The following CCNY variants were observed in gnomAD, a reference collection of about 807,000 sequenced individuals.
The protein encoded by CCNY is cyclin Y.
In CCNY, 19 loss-of-function variants were observed where a neutral mutation model predicts 42.8. That is an observed-to-expected ratio of 0.44 (90% CI 0.31 to 0.65). The LOEUF is 0.65. CCNY is among the 30% of genes least tolerant of loss of function. The probability of loss-of-function intolerance (pLI) is 0.07; values close to 1 mark genes in which losing one functional copy is unlikely to be tolerated. For missense variants in CCNY, 370 were observed against 437.3 expected, an observed-to-expected ratio of 0.85 and a Z score of 1.37; for synonymous variants, 165 against 162.7, an observed-to-expected ratio of 1.01 and a Z score of -0.11.
chr10:35,341,492 A>G (rs1836181720), intron 1 of CCNY, among the ~76,000 whole-genome samples: 1 of 152,256 alleles, frequency 6.6e-6, no homozygotes, highest in African/African-American at 2.4e-5. Context: ...AGCTACTAGC[A>G]TGTAAGTTCC....
intron 1 of CCNY, among the ~76,000 whole-genome samples, chr10:35,367,598 A>T (rs1042679122): frequency 1.3e-5 from 2 of 152,222 alleles, no homozygotes; most frequent in Non-Finnish European, 2.9e-5. Context: ...TGGAATGCAG[A>T]TCTGAAAGCA....
At chr10:35,324,430 T>C (rs1474678487) in intron 3 of CCNY, among the ~76,000 whole-genome samples, 1 of 152,252 alleles carries the variant, frequency 6.6e-6, no homozygotes, top group Non-Finnish European at 1.5e-5. Flanking sequence ...TATTTGGATT[T>C]GTAATGAAAC....
chr10:35,310,333 A>T (rs562347634), intron 3 of CCNY, among the ~76,000 whole-genome samples: 12 of 152,304 alleles, frequency 7.9e-5, no homozygotes, highest in African/African-American at 2.6e-4. Flanking sequence ...GCTGATAGGC[A>T]CTGGGGTTGA....
At chr10:35,494,601 G>A (rs1185178724) in intron 2 of CCNY, among the ~76,000 whole-genome samples, 1 of 152,142 alleles carries the variant, frequency 6.6e-6, no homozygotes, top group African/African-American at 2.4e-5. Context: ...GAAAACTCAT[G>A]TCCAAATGCA....
At chr10:35,512,304 G>C (rs1840340180) in intron 3 of CCNY, among the ~76,000 whole-genome samples, 1 of 152,178 alleles carries the variant, frequency 6.6e-6, no homozygotes, top group African/African-American at 2.4e-5. Context: ...GTTGGGGCCA[G>C]AAAGGAGAGA....
At chr10:35,417,927 C>G (rs1204308513) in intron 1 of CCNY, among the ~76,000 whole-genome samples, 3 of 152,178 alleles carry the variant, frequency 2.0e-5, no homozygotes, top group East Asian at 3.8e-4. Flanking sequence ...TTTCCAAAAG[C>G]CTTCAGCAAG....
upstream of CCNY, among the ~76,000 whole-genome samples, chr10:35,335,685 T>C (rs947784973): frequency 5.3e-5 from 8 of 152,008 alleles, no homozygotes; most frequent in Non-Finnish European, 1.2e-4. Flanking sequence ...AGATCCCATC[T>C]CTACAAAAAG....
At chr10:35,267,318 A>T (rs1226551571) in intron 3 of CCNY, among the ~76,000 whole-genome samples, 2 of 151,994 alleles carry the variant, frequency 1.3e-5, no homozygotes, top group African/African-American at 4.8e-5. Flanking sequence ...TTAGAAAAAA[A>T]AAAAAAAAGA....
chr10:35,553,485 T>C (rs911303725), intron 8 of CCNY, among the ~76,000 whole-genome samples: 1 of 152,222 alleles, frequency 6.6e-6, no homozygotes, highest in Non-Finnish European at 1.5e-5. Context: ...CCAGCACTGA[T>C]AGCAGCCTGT....
intron 1 of CCNY, among the ~76,000 whole-genome samples, chr10:35,444,041 C>T (rs1838734360): frequency 6.6e-6 from 1 of 152,188 alleles, no homozygotes; most frequent in Non-Finnish European, 1.5e-5. Context: ...GAGTAGCACC[C>T]TTTCTGCAGA....
At chr10:35,310,032 C>T (rs1835664670) in intron 3 of CCNY, among the ~76,000 whole-genome samples, 1 of 151,844 alleles carries the variant, frequency 6.6e-6, no homozygotes, top group African/African-American at 2.4e-5. Flanking sequence ...GATCTCCTGA[C>T]CTTCTGATCC....
Position 35,438,986 on chromosome 10 carries a change from T to C in CCNY, c.155-44418T>C, listed in dbSNP as rs112400171. Among the ~76,000 whole-genome samples, 904 of 152,354 alleles carry C rather than the reference T, an allele frequency of 5.9e-3. 12 individuals carry two copies. Among genetic ancestry groups the C allele is most frequent in the African/African-American group, 0.02 (816 of 41,574 alleles). Reference sequence around the variant, plus strand: ...ATCCCTGGCAAGCATCGTGCCACTTTCTTCTGGCTTTTCCTGTTTTCTGAT... The same window carrying C: ...ATCCCTGGCAAGCATCGTGCCACTTCCTTCTGGCTTTTCCTGTTTTCTGAT... On this transcript the variant is annotated intron_variant, in intron 1 of 9. Coordinates refer to ENST00000374704, the MANE Select transcript of CCNY (RefSeq NM_145012.6).
chr10:35,544,051 A>C (rs924290574), intron 7 of CCNY, among the ~76,000 whole-genome samples: 2 of 152,260 alleles, frequency 1.3e-5, no homozygotes, highest in African/African-American at 2.4e-5. Flanking sequence ...AAAGTTTAAA[A>C]AATTTTTAAA....
At chr10:35,567,387 AGGGGAC>A (rs1406681706) in intron 9 of CCNY, among the ~76,000 whole-genome samples, 2 of 152,310 alleles carry the variant, frequency 1.3e-5, no homozygotes, top group African/African-American at 4.8e-5. Flanking sequence ...GCAGGAGGAA[AGGGGAC>A]GGGGTGGTAA....
At chr10:35,460,668 C>T (rs1244007938) in intron 1 of CCNY, among the ~76,000 whole-genome samples, 2 of 152,172 alleles carry the variant, frequency 1.3e-5, no homozygotes, top group African/African-American at 4.8e-5. Flanking sequence ...ATGAAATGTT[C>T]GTGGAACATA....
At chr10:35,549,403 C>T (rs1841194664) in intron 7 of CCNY, among the ~76,000 whole-genome samples, 1 of 151,706 alleles carries the variant, frequency 6.6e-6, no homozygotes, top group Non-Finnish European at 1.5e-5. Flanking sequence ...CCCTGTGCTC[C>T]TCATGGCCCA....
At chr10:35,550,759 A>C (rs948239984) in intron 7 of CCNY, among the ~76,000 whole-genome samples, 2 of 152,090 alleles carry the variant, frequency 1.3e-5, no homozygotes, top group African/African-American at 4.8e-5. Flanking sequence ...AGAGCACCAC[A>C]TACCAGGTTT....
At chr10:35,345,593 CAT>C (rs1289003833) in intron 1 of CCNY, among the ~76,000 whole-genome samples, 1 of 152,088 alleles carries the variant, frequency 6.6e-6, no homozygotes, top group African/African-American at 2.4e-5. Context: ...ATGTGGTACT[CAT>C]ATTGATTTTC....
intron 2 of CCNY, among the ~76,000 whole-genome samples, chr10:35,495,564 A>G (rs1839988026): frequency 6.6e-6 from 1 of 152,044 alleles, no homozygotes; most frequent in Non-Finnish European, 1.5e-5. Context: ...GGCTTTGCTT[A>G]TTTAGATTTC....
Sources: gnomAD v4.1 joint callset for allele counts (sites outside exome capture counted in the v4.1 genomes callset) on GRCh38, gnomAD v4.1.1 for gene constraint, MANE v1.5 for transcripts, NCBI Gene and HGNC (gene_info 2026-07-23, HGNC 2026-07-21) for gene names.